LMTK2: variants seen among roughly 807,000 people sequenced by gnomAD.
LMTK2 encodes lemur tail kinase 2, also known as serine/threonine-protein kinase LMTK2.
In LMTK2, 37 loss-of-function variants were observed where a neutral mutation model predicts 127.5. The ratio of observed to expected loss-of-function variants is 0.29; its 90% CI spans 0.22 to 0.38. The LOEUF (loss-of-function observed/expected upper bound fraction) is 0.38, where lower values mean the gene tolerates loss of function less well. Among genes scored for constraint, LMTK2 ranks in the 10% least tolerant of loss-of-function variants. The pLI, the probability that LMTK2 is intolerant of heterozygous loss-of-function variation, is 1.00. For missense variants in LMTK2, 1,694 were observed against 1,920.3 expected, an observed-to-expected ratio of 0.88 and a Z score of 2.20; for synonymous variants, 819 against 810.1, an observed-to-expected ratio of 1.01 and a Z score of -0.19.
In LMTK2 at chr7:98,154,868, A is replaced by C; in HGVS notation, c.561A>C (p.Glu187Asp). The C allele has an allele frequency of 6.3e-7, 1 of 1,578,962 alleles. No individual in the cohort carries two copies. Among genetic ancestry groups the C allele is most frequent in the Non-Finnish European group, 8.7e-7 (1 of 1,147,876 alleles). Residue 187 changes from glutamate (E) to aspartate (D), a missense_variant, in exon 5 of 14, where the codon GAA (glutamate) becomes GAC (aspartate). Physicochemically the swap from Glu to Asp is conservative, Grantham distance 45 (BLOSUM62 2). This residue lies in a region of LMTK2 where 203 missense variants were observed against 226.2 expected (regional missense o/e 0.90). Transcript: ENST00000297293. ...KEQDTFLKNG[E>D]PYYILQHPNI... Reference sequence around the variant, plus strand: ...AAGATACTTTTTTGAAAAATGGAGAACCTTACTAGTAAGTAAACCTTGTCA... The same window carrying C: ...AAGATACTTTTTTGAAAAATGGAGACCCTTACTAGTAAGTAAACCTTGTCA...
intron 5 of LMTK2, among the ~76,000 whole-genome samples, chr7:98,157,640 T>TAAAAAAAA (rs34715220): frequency 2.6e-5 from 3 of 114,390 alleles, no homozygotes; most frequent in Non-Finnish European, 3.6e-5. Context: ...GCTCCCACAT[T>TAAAAAAAA]AAAAAAAAAA....
intron 1 of LMTK2, among the ~76,000 whole-genome samples, chr7:98,129,703 T>C (rs1796495018): frequency 6.6e-6 from 1 of 152,108 alleles, no homozygotes; most frequent in African/African-American, 2.4e-5. Context: ...TTGGTTATGG[T>C]TTCTTTCTGT....
At chr7:98,187,765 C>T (rs1429987642) in intron 9 of LMTK2, among the ~76,000 whole-genome samples, 1 of 151,926 alleles carries the variant, frequency 6.6e-6, no homozygotes, top group African/African-American at 2.4e-5. Context: ...TATGTACTAC[C>T]ACACCATTTT....
At chr7:98,181,314 G>A (rs528570793) in intron 7 of LMTK2, among the ~76,000 whole-genome samples, 1 of 152,318 alleles carries the variant, frequency 6.6e-6, no homozygotes, top group East Asian at 1.9e-4. Context: ...CTCTCACCCT[G>A]CCATCCAGGC....
At chr7:98,121,371 GT>G (rs1796358605) in intron 1 of LMTK2, among the ~76,000 whole-genome samples, 4 of 152,016 alleles carry the variant, frequency 2.6e-5, no homozygotes, top group Admixed American at 2.6e-4. Context: ...GCTCACTCCT[GT>G]AATCCCAGCA....
At chr7:98,114,748 C>T (rs112350833) in intron 1 of LMTK2, among the ~76,000 whole-genome samples, 4 of 152,190 alleles carry the variant, frequency 2.6e-5, no homozygotes, top group Non-Finnish European at 5.9e-5. Context: ...ATCTGCCTAT[C>T]GCTTGCAAAA....
chr7:98,123,704 TACACAC>T (rs143477267), intron 1 of LMTK2, among the ~76,000 whole-genome samples: 3 of 150,408 alleles, frequency 2.0e-5, no homozygotes, highest in East Asian at 1.9e-4. Context: ...TTTTCATATA[TACACAC>T]ACACACACAC....
intron 1 of LMTK2, among the ~76,000 whole-genome samples, chr7:98,118,343 T>C (rs1455163800): frequency 2.6e-5 from 4 of 152,192 alleles, no homozygotes; most frequent in Admixed American, 6.5e-5. Flanking sequence ...GAAACCTCTT[T>C]GGCTTAAGAA....
intron 7 of LMTK2, among the ~76,000 whole-genome samples, chr7:98,178,053 T>C (rs1363586322): frequency 1.3e-5 from 2 of 152,232 alleles, no homozygotes; most frequent in African/African-American, 4.8e-5. Context: ...GCTTTACCAG[T>C]ATAAGCCTGG....
intron 1 of LMTK2, among the ~76,000 whole-genome samples, chr7:98,115,921 C>G (rs1796275572): frequency 6.6e-6 from 1 of 152,154 alleles, no homozygotes; most frequent in Non-Finnish European, 1.5e-5. Context: ...AAGTCTTGCT[C>G]TGTTGCCCAG....
At chr7:98,159,181 C>T (rs1532379) in intron 5 of LMTK2, among the ~76,000 whole-genome samples, 157 bp from the exon 6 acceptor site, 7,854 of 152,142 alleles carry the variant, frequency 0.052, 573 homozygotes, top group East Asian at 0.33. Flanking sequence ...GTATAATCTT[C>T]GTGATCTTTT....
intron 7 of LMTK2, among the ~76,000 whole-genome samples, chr7:98,173,493 A>T (rs1797225773): frequency 6.6e-6 from 1 of 152,188 alleles, no homozygotes; most frequent in Non-Finnish European, 1.5e-5. Context: ...GCAGATAATT[A>T]CTAATACTGG....
At chr7:98,142,850 T>C (rs1168500861) in intron 3 of LMTK2, among the ~76,000 whole-genome samples, 1 of 152,262 alleles carries the variant, frequency 6.6e-6, no homozygotes, top group East Asian at 1.9e-4. Context: ...GCTGAATCTC[T>C]TAGGCAGCTT....
At chr7:98,156,679 A>G (rs1173300139) in intron 5 of LMTK2, among the ~76,000 whole-genome samples, 1 of 152,202 alleles carries the variant, frequency 6.6e-6, no homozygotes, top group Non-Finnish European at 1.5e-5. Context: ...AACAGAACCA[A>G]TAGGATGTGT....
At position 98,207,335 on chromosome 7, in the gene LMTK2, A is replaced by G. The variant is rs1392780359; in HGVS notation, c.*1843A>G. On this transcript the variant is annotated 3_prime_UTR_variant, in exon 14 of 14. Transcript: ENST00000297293. Reference sequence around the variant, plus strand: ...GGACGTTGCCAGAGAGTGCGCAGCAAATGACCTTCATTGCCAGTTCCACCC... The same window carrying G: ...GGACGTTGCCAGAGAGTGCGCAGCAGATGACCTTCATTGCCAGTTCCACCC... The G allele has an allele frequency of 6.6e-6, 1 of 152,064 alleles. No homozygotes were observed. The highest frequency in any genetic ancestry group is 2.4e-5 in the African/African-American group (1 of 41,396). The allele number at this position is 152,064 out of a possible 1,614,324, so 9.4% of individuals were successfully genotyped here.
chr7:98,140,936 G>A (rs1220788505), intron 2 of LMTK2, among the ~76,000 whole-genome samples: 1 of 151,578 alleles, frequency 6.6e-6, no homozygotes, highest in Admixed American at 6.6e-5. Flanking sequence ...GCGTGCCTGT[G>A]GTCCCAGCTA....
chr7:98,179,803 G>A (rs1797327935), intron 7 of LMTK2, among the ~76,000 whole-genome samples: 1 of 152,222 alleles, frequency 6.6e-6, no homozygotes, highest in African/African-American at 2.4e-5. Context: ...AAAATCACTT[G>A]TAAGCACAAA....
intron 7 of LMTK2, among the ~76,000 whole-genome samples, chr7:98,184,596 G>A (rs539157909): frequency 6.6e-6 from 1 of 152,086 alleles, no homozygotes; most frequent in South Asian, 2.1e-4. Flanking sequence ...TGTGTTGATT[G>A]ATGTCTTATG....
chr7:98,114,042 G>A (rs1300631451), intron 1 of LMTK2, among the ~76,000 whole-genome samples: 1 of 151,714 alleles, frequency 6.6e-6, no homozygotes, highest in Non-Finnish European at 1.5e-5. Flanking sequence ...GATGTCTCAG[G>A]TACCCGCAGC....
Sources: allele counts gnomAD v4.1 joint callset (sites outside exome capture counted in the v4.1 genomes callset), GRCh38; gene constraint gnomAD v4.1.1; regional missense constraint gnomAD v4.1.1; transcripts MANE v1.5; gene names NCBI Gene and HGNC (gene_info 2026-07-23, HGNC 2026-07-21).